POLDIP2: variants seen among roughly 807,000 people sequenced by gnomAD.
The protein encoded by POLDIP2 is DNA polymerase delta interacting protein 2.
A neutral mutation model predicts 52.9 loss-of-function variants in POLDIP2; 32 were observed. The ratio of observed to expected loss-of-function variants is 0.61; its 90% CI spans 0.46 to 0.81. The LOEUF (loss-of-function observed/expected upper bound fraction) is 0.81, where lower values mean the gene tolerates loss of function less well. POLDIP2 is among the 40% of genes least tolerant of loss of function. POLDIP2 has a pLI of 0.00. For missense variants in POLDIP2, 371 were observed against 477.3 expected (o/e 0.78, Z 2.07); for synonymous variants, 183 against 183.0 (o/e 1.00, Z 0.00).
chr17:28,356,187 C>T (rs981244595), intron 1 of POLDIP2, among the ~76,000 whole-genome samples: 1 of 151,924 alleles, frequency 6.6e-6, no homozygotes, highest in Non-Finnish European at 1.5e-5. Flanking sequence ...ACCCTCCTGA[C>T]CTCCCACAGC....
chr17:28,350,184 TA>T (rs1907742802), intron 9 of POLDIP2, among the ~76,000 whole-genome samples: 1 of 152,216 alleles, frequency 6.6e-6, no homozygotes, highest in Non-Finnish European at 1.5e-5. Context: ...CACTTGGGTT[TA>T]AATTGAGGCC....
At position 28,357,474 on chromosome 17, in the gene POLDIP2, G is replaced by T. The variant is rs1436030492; in HGVS notation, c.-26C>A. ...GTCCCGCCCGAGCGCCCGCCCGGCT[G>T]CTGACACAGAGCCCGACCCGCGGCC... On this transcript the variant is annotated 5_prime_UTR_variant, in exon 1 of 11. Transcript: ENST00000540200. The T allele has an allele frequency of 7.0e-7, 1 of 1,429,406 alleles. No individual in the cohort carries two copies. The highest frequency in any genetic ancestry group is 9.1e-7 in the Non-Finnish European group (1 of 1,104,804). 88.5% of individuals were successfully genotyped at this position (1,429,406 alleles called of 1,614,324 possible).
chr17:28,348,477 CAGATCACCTG>C (rs1236358717), intron 10 of POLDIP2, among the ~76,000 whole-genome samples: 5 of 152,192 alleles, frequency 3.3e-5, no homozygotes, highest in African/African-American at 1.2e-4. Context: ...CTGATGCCAG[CAGATCACCTG>C]AGGTCACCTG....
In POLDIP2 at chr17:28,351,577, A is replaced by G. The variant is rs1597800096; in HGVS notation, c.759+87T>C. The stretch of plus-strand genomic sequence containing the variant: ...AACCACAGGGACATGGTTTATATTT[A>G]GACTCCCTTCCCCCGGCAGTCACCT... On this transcript the variant is annotated intron_variant, in intron 7 of 10. Coordinates refer to ENST00000540200, the MANE Select transcript of POLDIP2 (RefSeq NM_015584.5). 3.2e-6 allele frequency: 4 copies of G among 1,266,046 alleles called. 1 individual carries two copies. In the East Asian group the frequency reaches 9.9e-5, roughly 31 times the overall value. The allele number at this position is 1,266,046 out of a possible 1,614,324, so 78.4% of individuals were successfully genotyped here. A position where few individuals can be genotyped will look rare whatever the true frequency, so the allele number is the denominator to read the frequency against.
Position 28,350,537 on chromosome 17 carries a change from G to A in POLDIP2, c.813C>T (p.Asn271=). The change falls in exon 9 of 11, where the codon AAC becomes AAT. Residue 271 remains asparagine (N), a synonymous_variant. Transcript: ENST00000540200. ...YWWRYCIRLE[N]LDSDVVQLRE... ...GGAGCTGTACCACATCACTGTCAAG[G>A]TTCTCCAAACGGATACAGTAGCGCC... 6.2e-7 allele frequency: 1 copy of A among 1,613,834 alleles called. No individual in the cohort carries two copies.
Position 28,351,874 on chromosome 17 carries a change from G to A in POLDIP2, c.623-74C>T, listed in dbSNP as rs201745608. 9.6e-5 allele frequency: 132 copies of A among 1,380,010 alleles called. 1 individual carries two copies. In the East Asian group the frequency reaches 2.8e-3, roughly 29 times the overall value. The allele number at this position is 1,380,010 out of a possible 1,614,324, so 85.5% of individuals were successfully genotyped here. On this transcript the variant is annotated intron_variant, in intron 6 of 10. Transcript: ENST00000540200. ...TTGTATCTAGTCCAATCACACAATAGTCCAGTGCGATTGCCCCTCCTAGAA... is the reference window on the plus strand; with the variant it reads ...TTGTATCTAGTCCAATCACACAATAATCCAGTGCGATTGCCCCTCCTAGAA...
chr17:28,357,361 G>A lies in POLDIP2; in HGVS notation c.88C>T (p.Leu30Phe), dbSNP rs781963678. 5 of 1,562,856 alleles carry A rather than the reference G, an allele frequency of 3.2e-6. No individual in the cohort carries two copies. The highest frequency in any genetic ancestry group is 1.4e-5 in the African/African-American group (1 of 71,344). ...SLTGARWPRP[L>F]CAAAGAGAFS... ...GCTCCAGCTCCGGCCGCCGCACAGA[G>A]CGGCCTTGGCCACCGGGCCCCAGTC... Residue 30 changes from leucine (L) to phenylalanine (F), a missense_variant, in exon 1 of 11, where the codon CTC becomes TTC. Coordinates refer to ENST00000540200, the MANE Select transcript of POLDIP2 (RefSeq NM_015584.5).
intron 2 of POLDIP2, 140 bp downstream of exon 2, chr17:28,355,655 C>T: frequency 7.3e-6 from 3 of 412,532 alleles, no homozygotes; most frequent in East Asian, 3.9e-5. Context: ...AAAATGAATA[C>T]AAATTTGATT....
chr17:28,353,244 G>T lies in POLDIP2; in HGVS notation c.511C>A (p.Pro171Thr). 1 of 1,529,042 alleles carries T rather than the reference G, an allele frequency of 6.5e-7. No individual in the cohort carries two copies. The highest frequency in any genetic ancestry group is 9.0e-7 in the Non-Finnish European group (1 of 1,105,004). The allele number at this position is 1,529,042 out of a possible 1,614,324, so 94.7% of individuals were successfully genotyped here. A position where few individuals can be genotyped will look rare whatever the true frequency, so the allele number is the denominator to read the frequency against. ...CATTCAAATGCTAACTACTCACCTG[G>T]GATGGCATAGAGGGCCCGACTGTCA... ...HDDSRALYAI[P>T]GLDYVSHEDI... The change falls in exon 5 of 11, where the codon CCA becomes ACA. Residue 171 changes from proline (P) to threonine (T), a missense_variant. Coordinates refer to ENST00000540200, the MANE Select transcript of POLDIP2 (RefSeq NM_015584.5).
chr17:28,350,869 G>A (rs1281709822), intron 7 of POLDIP2, 77 bp from the exon 8 acceptor site: 12 of 1,193,786 alleles, frequency 1.0e-5, no homozygotes, highest in African/African-American at 1.5e-5. Context: ...CTCCAGTGCA[G>A]TTGATGTATT....
chr17:28,355,919 G>A (rs1555580846), intron 1 of POLDIP2, 43 bp from the exon 2 acceptor site: 1 of 1,462,830 alleles, frequency 6.8e-7, no homozygotes, highest in Non-Finnish European at 9.5e-7. Flanking sequence ...AAGCTGAGAA[G>A]GTAATGGTAG....
chr17:28,352,674 G>C (rs868953864), intron 6 of POLDIP2, among the ~76,000 whole-genome samples: 27 of 152,040 alleles, frequency 1.8e-4, no homozygotes, highest in Middle Eastern at 3.4e-3. Flanking sequence ...AGGTAGCTGG[G>C]ATTACAGGCG....
At chr17:28,355,625 AAAAT>A (rs1254907197) in intron 2 of POLDIP2, among the ~76,000 whole-genome samples, 166 bp downstream of exon 2, 3 of 151,880 alleles carry the variant, frequency 2.0e-5, no homozygotes, top group African/African-American at 7.2e-5. Context: ...ATAAATAAAT[AAAAT>A]AAATAAATAA....
chr17:28,348,270 C>T, intron 10 of POLDIP2, 39 bp from the exon 11 acceptor site: 5 of 1,378,858 alleles, frequency 3.6e-6, no homozygotes, highest in Non-Finnish European at 4.1e-6. Context: ...GGAGCCAGGG[C>T]TGAGGCCTCC....
At chr17:28,352,838 CCTGGAATTATTT>C in intron 6 of POLDIP2, 62 bp downstream of exon 6, 1 of 923,430 alleles carries the variant, frequency 1.1e-6, no homozygotes. Context: ...CGTGCCCGGC[CCTGGAATTATTT>C]CTATGATATT....
In POLDIP2 at chr17:28,350,555, G is replaced by C; in HGVS notation, c.795C>G (p.Tyr265Ter). The C allele has an allele frequency of 2.5e-6, 4 of 1,613,296 alleles. No homozygotes were observed. Among genetic ancestry groups the C allele is most frequent in the Non-Finnish European group, 3.4e-6 (4 of 1,179,678 alleles). ...AQNSHVYWWR[Y>*]CIRLENLDSD... Reference sequence around the variant, plus strand: ...TGTCAAGGTTCTCCAAACGGATACAGTAGCGCCACTGAGGTGGGTGTGGGA... The same window carrying C: ...TGTCAAGGTTCTCCAAACGGATACACTAGCGCCACTGAGGTGGGTGTGGGA... The change falls in exon 9 of 11, where the codon TAC becomes TAG. Residue 265 changes from tyrosine (Y) to a stop codon, truncating the protein, a stop_gained. Coordinates refer to ENST00000540200, the MANE Select transcript of POLDIP2 (RefSeq NM_015584.5). LOFTEE classifies it high-confidence loss of function.
Position 28,350,733 on chromosome 17 carries a change from C to A in POLDIP2, c.786+33G>T, listed in dbSNP as rs782570925. 1.7e-5 allele frequency: 27 copies of A among 1,595,170 alleles called. No homozygotes were observed. In the African/African-American group the frequency reaches 3.4e-4, roughly 20 times the overall value. On this transcript the variant is annotated intron_variant, in intron 8 of 10. Coordinates refer to ENST00000540200, the MANE Select transcript of POLDIP2 (RefSeq NM_015584.5). Reference sequence around the variant, plus strand: ...CACCCTGACCCCCAGGCACACCCCACAAGCTCCCCTTCTCCCAGACAGTGA... The same window carrying A: ...CACCCTGACCCCCAGGCACACCCCAAAAGCTCCCCTTCTCCCAGACAGTGA...
In POLDIP2 at chr17:28,355,973, G is replaced by A. The variant is rs141479237; in HGVS notation, c.162-97C>T. ...TCCTAGGATACTGAGGGGCCAGGGC[G>A]ATGACAGCAGAGAAGGGTTTGGGGT... On this transcript the variant is annotated intron_variant, in intron 1 of 10. Transcript: ENST00000540200. The A allele has an allele frequency of 2.4e-4, 208 of 860,744 alleles. 1 individual carries two copies. The highest frequency in any genetic ancestry group is 1.4e-3 in the African/African-American group (85 of 59,696). 53.3% of individuals were successfully genotyped at this position (860,744 alleles called of 1,614,324 possible). A position where few individuals can be genotyped will look rare whatever the true frequency, so the allele number is the denominator to read the frequency against.
chr17:28,353,666 C>T (rs376470070), intron 4 of POLDIP2, 29 bp downstream of exon 4: 57 of 1,492,714 alleles, frequency 3.8e-5, no homozygotes, highest in South Asian at 4.5e-5. Context: ...TGGAGAGGAC[C>T]CCCAAGCCCA....
Sources: gnomAD v4.1 joint callset for allele counts (sites outside exome capture counted in the v4.1 genomes callset) on GRCh38, gnomAD v4.1.1 for gene constraint, MANE v1.5 for transcripts, NCBI Gene and HGNC (gene_info 2026-07-23, HGNC 2026-07-21) for gene names.